The following DCDC2C variants were observed in gnomAD, a reference collection of about 807,000 sequenced individuals.
DCDC2C encodes the protein doublecortin domain containing 2C.
Under a neutral mutation model 45.0 loss-of-function variants are expected in DCDC2C, and 44 were observed. The ratio of observed to expected loss-of-function variants is 0.98; its 90% CI spans 0.77 to 1.26. The LOEUF is 1.26. Among genes scored for constraint, DCDC2C ranks in the 50% most tolerant of loss-of-function variants. The pLI is 0.00. For synonymous variants in DCDC2C, 187 were observed against 178.8 expected (o/e 1.05, Z -0.37); for missense variants, 447 against 468.9 (o/e 0.95, Z 0.43).
intron 6 of DCDC2C, among the ~76,000 whole-genome samples, chr2:3,759,726 C>A (rs562672767): frequency 1.3e-3 from 203 of 152,250 alleles, no homozygotes; most frequent in African/African-American, 4.7e-3. Context: ...AATATCCATG[C>A]ATAAAAGTAT....
chr2:3,705,836 T>C (rs1668050719), intron 1 of DCDC2C, among the ~76,000 whole-genome samples: 1 of 152,218 alleles, frequency 6.6e-6, no homozygotes, highest in Non-Finnish European at 1.5e-5. Flanking sequence ...ACTGTTTATT[T>C]TACTTTTTGG....
intron 2 of DCDC2C, 121 bp from the exon 3 acceptor site, chr2:3,726,882 C>T: frequency 1.2e-6 from 1 of 834,788 alleles, no homozygotes; most frequent in East Asian, 2.7e-5. Flanking sequence ...CCTGGGTGTT[C>T]TATTGACAAA....
At chr2:3,754,558 T>C in intron 5 of DCDC2C, 34 bp from the exon 6 acceptor site, 1 of 1,547,142 alleles carries the variant, frequency 6.5e-7, no homozygotes, top group Non-Finnish European at 8.7e-7. Flanking sequence ...GGGCCGGGCT[T>C]TACATTTCAA....
At chr2:3,778,064 C>G (rs1360964328) in intron 8 of DCDC2C, among the ~76,000 whole-genome samples, 1 of 124,530 alleles carries the variant, frequency 8.0e-6, no homozygotes, top group Non-Finnish European at 1.8e-5. Flanking sequence ...GGACGGGACA[C>G]CCCCTGGCCA....
intron 2 of DCDC2C, among the ~76,000 whole-genome samples, chr2:3,725,439 A>AGGAGGCTGCCCGGTGGATCCCGGAGGG (rs1558564418): frequency 4.3e-5 from 2 of 46,460 alleles, no homozygotes; most frequent in Non-Finnish European, 5.1e-5. Context: ...ATCCCAGAGG[A>AGGAGGCTGCCCGGTGGATCCCGGAGGG]AGACGAGCAG....
chr2:3,843,412 C>T (rs370998945), intron 10 of DCDC2C, among the ~76,000 whole-genome samples: 5 of 152,146 alleles, frequency 3.3e-5, no homozygotes, highest in East Asian at 1.9e-4. Flanking sequence ...GTCAGCTGAG[C>T]GACCTGGCCC....
intron 10 of DCDC2C, among the ~76,000 whole-genome samples, chr2:3,793,282 G>C (rs1333736433): frequency 6.6e-6 from 1 of 152,236 alleles, no homozygotes; most frequent in Admixed American, 6.5e-5. Flanking sequence ...TGTAGGCACA[G>C]ATTGCATATG....
At chr2:3,780,254 C>T in intron 9 of DCDC2C, among the ~76,000 whole-genome samples, 1 of 152,130 alleles carries the variant, frequency 6.6e-6, no homozygotes, top group Non-Finnish European at 1.5e-5. Context: ...GGCTTACCCT[C>T]AAGGAGAGGG....
At chr2:3,826,301 T>G (rs1671814170) in intron 10 of DCDC2C, among the ~76,000 whole-genome samples, 2 of 152,210 alleles carry the variant, frequency 1.3e-5, no homozygotes, top group Admixed American at 6.5e-5. Flanking sequence ...TTCATGGCTC[T>G]TTATTTGTTA....
chr2:3,740,804 CAT>C lies in DCDC2C; in HGVS notation c.417-1113_417-1112del, dbSNP rs543971979. Among the ~76,000 whole-genome samples, 1,427 of 152,070 alleles carry C rather than the reference CAT, an allele frequency of 9.4e-3. 23 individuals carry two copies. Among genetic ancestry groups the C allele is most frequent in the Middle Eastern group, 0.027 (8 of 294 alleles). On this transcript the variant is annotated intron_variant, in intron 3 of 10. Coordinates refer to ENST00000399143, the MANE Select transcript of DCDC2C (RefSeq NM_001287444.2). ...AATGGACTCTCTTTATGGTGACAAA[CAT>C]ATTAAATTAAGATTTATATTTACTC...
In DCDC2C at chr2:3,741,949, C is replaced by T. The variant is rs1343417587; in HGVS notation, c.446C>T (p.Pro149Leu). The T allele has an allele frequency of 6.5e-7, 1 of 1,545,892 alleles. No homozygotes were observed. Among genetic ancestry groups the T allele is most frequent in the Non-Finnish European group, 8.7e-7 (1 of 1,144,894 alleles). Residue 149 changes from proline (P) to leucine (L), a missense_variant, in exon 4 of 11, where the codon CCA (proline) becomes CTA (leucine). By Grantham distance (98) the Pro-to-Leu change is moderately conservative (BLOSUM62 -3). Transcript: ENST00000399143. ...TTTACAAATGGAAGATTATTTATTC[C>T]ACCTGCAAAAATCATTATACCCAAA... ...NVFTNGRLFI[P>L]PAKIIIPKFS...
intron 2 of DCDC2C, among the ~76,000 whole-genome samples, chr2:3,721,336 T>G (rs1668496653): frequency 6.6e-6 from 1 of 152,170 alleles, no homozygotes; most frequent in African/African-American, 2.4e-5. Flanking sequence ...CAGCAGAGCC[T>G]TTTCTGTGAA....
chr2:3,780,362 C>T (rs188316140), intron 9 of DCDC2C, among the ~76,000 whole-genome samples: 86 of 152,302 alleles, frequency 5.6e-4, no homozygotes, highest in Non-Finnish European at 9.0e-4. Context: ...TGCACACTGG[C>T]GGTTGAATTT....
intron 6 of DCDC2C, among the ~76,000 whole-genome samples, chr2:3,767,169 G>A (rs1216988713): frequency 1.3e-5 from 2 of 152,230 alleles, no homozygotes; most frequent in Non-Finnish European, 2.9e-5. Flanking sequence ...ATGTGACCAC[G>A]TCCTAATTTG....
chr2:3,819,771 C>G (rs1294202956), intron 10 of DCDC2C, among the ~76,000 whole-genome samples: 5 of 152,148 alleles, frequency 3.3e-5, no homozygotes, highest in African/African-American at 1.2e-4. Context: ...GAAAAAGGAG[C>G]ATTAACCTTG....
Position 3,746,018 on chromosome 2 carries a change from G to C in DCDC2C, c.545+3970G>C, listed in dbSNP as rs1028313083. 2.0e-5 allele frequency among the ~76,000 whole-genome samples: 3 copies of C among 152,088 alleles called. 1 individual carries two copies. The highest frequency in any genetic ancestry group is 1.3e-4 in the Admixed American group (2 of 15,260). On this transcript the variant is annotated intron_variant, in intron 4 of 10. Coordinates refer to ENST00000399143, the MANE Select transcript of DCDC2C (RefSeq NM_001287444.2). ...CCAAATAGCTCAGAGAAATACTTAA[G>C]TGAAATTCTGTAGGTCTCTGTGCAA...
At chr2:3,837,133 G>C (rs1417651982) in intron 10 of DCDC2C, among the ~76,000 whole-genome samples, 1 of 152,138 alleles carries the variant, frequency 6.6e-6, no homozygotes, top group African/African-American at 2.4e-5. Context: ...AGGAACATGA[G>C]GGCACCATGG....
chr2:3,828,362 C>T (rs559635927), intron 10 of DCDC2C, among the ~76,000 whole-genome samples: 8 of 152,322 alleles, frequency 5.3e-5, no homozygotes, highest in Non-Finnish European at 8.8e-5. Context: ...GGGTGCCGCT[C>T]ACCCGGGGCT....
chr2:3,763,121 C>T (rs763607516), intron 6 of DCDC2C, among the ~76,000 whole-genome samples: 5 of 152,298 alleles, frequency 3.3e-5, no homozygotes, highest in Middle Eastern at 3.4e-3. Context: ...GATGCCCAAC[C>T]GCTGCCAGTG....
Sources: allele counts gnomAD v4.1 joint callset (sites outside exome capture counted in the v4.1 genomes callset), GRCh38; gene constraint gnomAD v4.1.1; transcripts MANE v1.5; gene names NCBI Gene and HGNC (gene_info 2026-07-23, HGNC 2026-07-21).